The following ZP4 variants were observed in gnomAD, a reference collection of about 807,000 sequenced individuals.
ZP4 encodes zona pellucida sperm-binding protein 4.
In ZP4, 62 loss-of-function variants were observed where a neutral mutation model predicts 62.3. That is an observed-to-expected ratio of 0.99 (90% confidence interval 0.81 to 1.23). ZP4 has a LOEUF of 1.23. Ranked by LOEUF, ZP4 falls within the 50% of genes most tolerant of loss-of-function variation. ZP4 has a pLI of 0.00. For synonymous variants in ZP4, 289 were observed against 247.3 expected (o/e 1.17, Z -1.58); for missense variants, 774 against 656.0 (o/e 1.18, Z -1.97).
chr1:237,889,835 C>A (rs1339543228), intron 3 of ZP4, 32 bp downstream of exon 3: 6 of 1,552,490 alleles, frequency 3.9e-6, no homozygotes, highest in Non-Finnish European at 5.3e-6. Context: ...CCCCACCACC[C>A]CCACAAGACC....
chr1:237,885,109 T>C, intron 9 of ZP4, 56 bp downstream of exon 9: 3 of 1,586,170 alleles, frequency 1.9e-6, no homozygotes, highest in Non-Finnish European at 2.6e-6. Flanking sequence ...ATGGAAACAG[T>C]TGTAAGTTGG....
intron 10 of ZP4, among the ~76,000 whole-genome samples, chr1:237,883,637 GGAGGGC>G (rs1664972480): frequency 1.4e-4 from 1 of 7,330 alleles, no homozygotes; most frequent in Non-Finnish European, 2.4e-4. Flanking sequence ...AGGGGGAGGG[GGAGGGC>G]GGGGGAGGGC....
In ZP4 at chr1:237,882,564, G is replaced by A. The variant is rs959371878; in HGVS notation, c.1496-15C>T. On this transcript the variant is annotated splice_polypyrimidine_tract_variant and intron_variant, in intron 11 of 11. Coordinates refer to ENST00000366570, the MANE Select transcript of ZP4 (RefSeq NM_021186.5). ...TACAGGAACACCTGGAGGATGGATG[G>A]AAAGGTAGGTTAATGTATGCTAAAA... The A allele has an allele frequency of 6.9e-6, 11 of 1,590,208 alleles. No homozygotes were observed. The highest frequency in any genetic ancestry group is 1.7e-4 in the Middle Eastern group (1 of 5,980).
chr1:237,882,886 C>T lies in ZP4; in HGVS notation c.1391-40G>A, dbSNP rs763687414. On this transcript the variant is annotated intron_variant, in intron 10 of 11. Coordinates refer to ENST00000366570, the MANE Select transcript of ZP4 (RefSeq NM_021186.5). ...AGACCTAGTAATTCATTAGTTTTTG[C>T]ACACATAGGGCAGGGATAGAAAATG... 24 of 1,558,018 alleles carry T rather than the reference C, an allele frequency of 1.5e-5. No individual in the cohort carries two copies. In the South Asian group the frequency reaches 2.6e-4, roughly 17 times the overall value.
intron 10 of ZP4, among the ~76,000 whole-genome samples, chr1:237,884,073 A>AAACACAC (rs1665038168): frequency 1.4e-5 from 2 of 143,784 alleles, no homozygotes; most frequent in African/African-American, 5.6e-5. Context: ...AACACACACA[A>AAACACAC]ACACACACAA....
Position 237,885,890 on chromosome 1 carries a change from C to A in ZP4, c.840-4G>T, listed in dbSNP as rs751668431. On this transcript the variant is annotated splice_polypyrimidine_tract_variant and splice_region_variant and intron_variant, in intron 6 of 11. Coordinates refer to ENST00000366570, the MANE Select transcript of ZP4 (RefSeq NM_021186.5). The stretch of plus-strand genomic sequence containing the variant: ...GTAGCTGCAGCTGACATGGAGCCTG[C>A]AGAGAAACAAGATTTTAGCTAGTTG... 5.0e-5 allele frequency: 80 copies of A among 1,613,652 alleles called. No homozygotes were observed. Among genetic ancestry groups the A allele is most frequent in the Non-Finnish European group, 3.4e-5 (40 of 1,179,912 alleles).
intron 10 of ZP4, among the ~76,000 whole-genome samples, chr1:237,884,017 A>ACACACACACACACACACACAC (rs1665026966): frequency 3.4e-5 from 3 of 87,944 alleles, no homozygotes; most frequent in African/African-American, 9.7e-5. Context: ...CACACACACA[A>ACACACACACACACACACACAC]ACACACACAC....
chr1:237,883,484 G>A (rs1291925929), intron 10 of ZP4, among the ~76,000 whole-genome samples: 1 of 151,362 alleles, frequency 6.6e-6, no homozygotes, highest in Non-Finnish European at 1.5e-5. Flanking sequence ...GGGGGCCAAG[G>A]CAGGTGGATC....
Position 237,889,885 on chromosome 1 carries a change from A to G in ZP4, c.382T>C (p.Cys128Arg). The change falls in exon 3 of 12, where the codon TGT becomes CGT. Residue 128 changes from cysteine (C) to arginine (R), a missense_variant. Coordinates refer to ENST00000366570, the MANE Select transcript of ZP4 (RefSeq NM_021186.5). ...KVVTERKLLK[C>R]PMDLLARDAP... The stretch of plus-strand genomic sequence containing the variant: ...CCTTTACCTAGAAGATCCATAGGAC[A>G]CTTGAGCAGCTTCCTCTCTGTAACC... The G allele has an allele frequency of 6.2e-7, 1 of 1,612,762 alleles. No individual in the cohort carries two copies. The highest frequency in any genetic ancestry group is 8.5e-7 in the Non-Finnish European group (1 of 1,179,536).
intron 10 of ZP4, among the ~76,000 whole-genome samples, chr1:237,883,627 A>C (rs1270099846): frequency 1.6e-4 from 2 of 12,324 alleles, no homozygotes; most frequent in African/African-American, 2.2e-4. Context: ...GGTGGGAGAG[A>C]GGGGGAGGGG....
chr1:237,890,234 G>A, intron 1 of ZP4, 58 bp from the exon 2 acceptor site: 1 of 1,610,584 alleles, frequency 6.2e-7, no homozygotes, highest in Non-Finnish European at 8.5e-7. Flanking sequence ...TGCCAGAAAG[G>A]ATAGTCAGCC....
At chr1:237,890,376 T>C (rs1356797108) in intron 1 of ZP4, 85 bp downstream of exon 1, 2 of 1,520,676 alleles carry the variant, frequency 1.3e-6, no homozygotes, top group Non-Finnish European at 1.8e-6. Context: ...GGTGAAAGTA[T>C]CAATACGGGA....
Position 237,888,358 on chromosome 1 carries a change from C to G in ZP4, c.553G>C (p.Val185Leu). 6.4e-7 allele frequency: 1 copy of G among 1,574,586 alleles called. No individual in the cohort carries two copies. Among genetic ancestry groups the G allele is most frequent in the South Asian group, 1.1e-5 (1 of 87,002 alleles). Residue 185 changes from valine to leucine, a missense_variant and splice_region_variant, in exon 4 of 12, where the codon GTG becomes CTG. Coordinates refer to ENST00000366570, the MANE Select transcript of ZP4 (RefSeq NM_021186.5). ...EVNSCYYGNT[V>L]TLHCTREGHF... ...TTCAGAGGTGTGCTCACTTACTCACCAGTGTTTCCATAGTAGCAGGAATTC... is the reference window on the plus strand; with the variant it reads ...TTCAGAGGTGTGCTCACTTACTCACGAGTGTTTCCATAGTAGCAGGAATTC...
chr1:237,882,728 T>A lies in ZP4; in HGVS notation c.1495+14A>T, dbSNP rs1399945985. On this transcript the variant is annotated intron_variant, in intron 11 of 11. Coordinates refer to ENST00000366570, the MANE Select transcript of ZP4 (RefSeq NM_021186.5). ...TAGTTCACTAGTTTGATCTCCTCCC[T>A]CTTGGATACTTACGGAGCTTTTCTG... is the stretch of plus-strand genomic sequence containing the variant. 8.1e-6 allele frequency: 13 copies of A among 1,612,736 alleles called. No homozygotes were observed. The highest frequency in any genetic ancestry group is 2.7e-5 in the African/African-American group (2 of 74,848).
At chr1:237,885,059 C>A in intron 9 of ZP4, 106 bp downstream of exon 9, 2 of 1,485,316 alleles carry the variant, frequency 1.3e-6, no homozygotes, top group South Asian at 1.3e-5. Context: ...GTACCAATAG[C>A]CAGCATTAAA....
Position 237,890,057 on chromosome 1 carries a change from A to T in ZP4, c.295T>A (p.Trp99Arg), listed in dbSNP as rs747606232. 2 of 1,613,878 alleles carry T rather than the reference A, an allele frequency of 1.2e-6. No individual in the cohort carries two copies. Among genetic ancestry groups the T allele is most frequent in the Non-Finnish European group, 1.7e-6 (2 of 1,179,992 alleles). The change falls in exon 2 of 12, where the codon TGG becomes AGG. Residue 99 changes from tryptophan (W) to arginine (R), a missense_variant and splice_region_variant. By Grantham distance (101) the Trp-to-Arg change is moderately radical. Coordinates refer to ENST00000366570, the MANE Select transcript of ZP4 (RefSeq NM_021186.5). Reference protein sequence around the residue: ...ATYSSCYVTEWDSHYIMPVGV... With the variant: ...ATYSSCYVTERDSHYIMPVGV... ...CCTGGCCATTGGGTCATACTCACCC[A>T]CTCAGTGACATAGCAGCTGCTATAG...
In ZP4 at chr1:237,887,377, T is replaced by A; in HGVS notation, c.738A>T (p.Arg246Ser). The A allele has an allele frequency of 6.2e-7, 1 of 1,613,808 alleles. No individual in the cohort carries two copies. Among genetic ancestry groups the A allele is most frequent in the South Asian group, 1.1e-5 (1 of 91,046 alleles). ...QFPFTSCGTT[R>S]QITGDRAVYE... ...GGAACAAAGCCCAACTGCTCACCTG[T>A]CTTGTGGTGCCACAGGAAGTAAATG... Residue 246 changes from arginine (R) to serine (S), a missense_variant, in exon 5 of 12, where the codon AGA (arginine) becomes AGT (serine). Coordinates refer to ENST00000366570, the MANE Select transcript of ZP4 (RefSeq NM_021186.5).
rs775742729 is a variant in ZP4, at chr1:237,888,388, C to T, written c.523G>A (p.Glu175Lys). Reference protein sequence around the residue: ...EGLGCCYSSEEVNSCYYGNTV... With the variant: ...EGLGCCYSSEKVNSCYYGNTV... Reference sequence around the variant, plus strand: ...TTTCCATAGTAGCAGGAATTCACCTCTTCAGAGCTATAACAACAGCCTAGC... The same window carrying T: ...TTTCCATAGTAGCAGGAATTCACCTTTTCAGAGCTATAACAACAGCCTAGC... The change falls in exon 4 of 12, where the codon GAG (glutamate) becomes AAG (lysine). Residue 175 changes from glutamate (E) to lysine (K), a missense_variant. Transcript: ENST00000366570. 5 of 1,602,004 alleles carry T rather than the reference C, an allele frequency of 3.1e-6. No individual in the cohort carries two copies. In the Admixed American group the frequency reaches 6.7e-5, roughly 22 times the overall value.
chr1:237,890,735 T>C lies in ZP4; in HGVS notation c.-100A>G. The C allele has an allele frequency of 7.3e-7, 1 of 1,366,976 alleles. No individual in the cohort carries two copies. The highest frequency in any genetic ancestry group is 9.9e-7 in the Non-Finnish European group (1 of 1,014,886). 84.7% of individuals were successfully genotyped at this position (1,366,976 alleles called of 1,614,324 possible). On this transcript the variant is annotated 5_prime_UTR_variant, in exon 1 of 12. Transcript: ENST00000366570. Reference sequence around the variant, plus strand: ...ATTCCTTTATATACAGAAGTCAGGCTTGTTTTCAGCTGCACATCTTTGTGA... The same window carrying C: ...ATTCCTTTATATACAGAAGTCAGGCCTGTTTTCAGCTGCACATCTTTGTGA...
Sources: gnomAD v4.1 joint callset for allele counts (sites outside exome capture counted in the v4.1 genomes callset) on GRCh38, gnomAD v4.1.1 for gene constraint, MANE v1.5 for transcripts, NCBI Gene and HGNC (gene_info 2026-07-23, HGNC 2026-07-21) for gene names.